STAG1: variants seen among roughly 807,000 people sequenced by gnomAD.
The protein encoded by STAG1 is STAG1 cohesin complex component.
STAG1 carries 26 observed loss-of-function variants against 170.9 expected under a neutral mutation model. That is an observed-to-expected ratio of 0.15 (90% CI 0.11 to 0.21). The LOEUF is 0.21. Among genes scored for constraint, STAG1 ranks in the 10% least tolerant of loss-of-function variants. STAG1 has a pLI of 1.00. For missense variants in STAG1, 964 were observed against 1,509.5 expected, an observed-to-expected ratio of 0.64 and a Z score of 5.99; for synonymous variants, 514 against 497.7, an observed-to-expected ratio of 1.03 and a Z score of -0.44.
At chr3:136,376,046 T>TAAAATAAAATAAAAC (rs1195641388) in intron 23 of STAG1, among the ~76,000 whole-genome samples, 3 of 148,500 alleles carry the variant, frequency 2.0e-5, no homozygotes, top group Non-Finnish European at 4.5e-5. Flanking sequence ...TAAAATAAAA[T>TAAAATAAAATAAAAC]AAAACAAAAT....
rs571055884 is a variant in STAG1 at position 136,558,501 on chromosome 3, T to A, written c.394+10264A>T. ...CAGTTCATGCAAGAGAAAATTCTCA[T>A]GGTTAACTGTTATGTGAAAAAGTAG... On this transcript the variant is annotated intron_variant, in intron 5 of 33. Transcript: ENST00000383202. Among the ~76,000 whole-genome samples the A allele has an allele frequency of 2.6e-5, 4 of 152,392 alleles. No homozygotes were observed. The East Asian group carries it at 7.7e-4, about 29-fold the overall frequency.
At chr3:136,487,966 G>C (rs1203082122) in intron 9 of STAG1, among the ~76,000 whole-genome samples, 8 of 152,230 alleles carry the variant, frequency 5.3e-5, no homozygotes, top group Non-Finnish European at 1.2e-4. Context: ...CATCAGCCAT[G>C]TAAGTAAGCC....
Position 136,338,103 on chromosome 3 carries a change from C to A in STAG1, c.*151G>T. 1 of 606,934 alleles carries A rather than the reference C, an allele frequency of 1.6e-6. No homozygotes were observed. The highest frequency in any genetic ancestry group is 3.0e-6 in the Non-Finnish European group (1 of 338,524). The allele number at this position is 606,934 out of a possible 1,614,324, so 37.6% of individuals were successfully genotyped here. A position where few individuals can be genotyped will look rare whatever the true frequency, so the allele number is the denominator to read the frequency against. On this transcript the variant is annotated 3_prime_UTR_variant, in exon 34 of 34. Coordinates refer to ENST00000383202, the MANE Select transcript of STAG1 (RefSeq NM_005862.3). ...CTTGGGTAATTTACATGCTCCTCTT[C>A]TGTCACTGCAAAAAGGGATTGACCT...
intron 1 of STAG1, among the ~76,000 whole-genome samples, chr3:136,636,043 T>G (rs1226057335): frequency 6.7e-6 from 1 of 149,046 alleles, no homozygotes; most frequent in Non-Finnish European, 1.5e-5. Context: ...AGGTCAGGAG[T>G]TCAAGACCAG....
intron 9 of STAG1, among the ~76,000 whole-genome samples, chr3:136,496,470 A>C (rs1348563389): frequency 6.6e-6 from 1 of 152,228 alleles, no homozygotes; most frequent in Non-Finnish European, 1.5e-5. Context: ...CTACATTGAA[A>C]TTAAATTAGA....
At chr3:136,405,253 T>G (rs1213620857) in intron 21 of STAG1, among the ~76,000 whole-genome samples, 2 of 128,804 alleles carry the variant, frequency 1.6e-5, no homozygotes, top group East Asian at 2.6e-4. Flanking sequence ...TTTTTTTTTT[T>G]TTTTTTCAGA....
intron 6 of STAG1, among the ~76,000 whole-genome samples, chr3:136,539,688 C>A (rs1414878949): frequency 6.6e-6 from 1 of 152,136 alleles, no homozygotes; most frequent in African/African-American, 2.4e-5. Flanking sequence ...CTGAACAGCC[C>A]ATAGATTGCT....
chr3:136,604,201 C>T, intron 4 of STAG1, 108 bp downstream of exon 4: 3 of 990,726 alleles, frequency 3.0e-6, no homozygotes, highest in Non-Finnish European at 4.3e-6. Context: ...TGAAAGGTTG[C>T]TTACATAATC....
intron 28 of STAG1, among the ~76,000 whole-genome samples, chr3:136,357,233 C>A (rs952162953): frequency 6.6e-6 from 1 of 152,120 alleles, no homozygotes; most frequent in African/African-American, 2.4e-5. Context: ...CAGGTGTGAG[C>A]CACCATGCCC....
At chr3:136,476,675 T>C (rs2089758551) in intron 10 of STAG1, among the ~76,000 whole-genome samples, 2 of 152,206 alleles carry the variant, frequency 1.3e-5, no homozygotes, top group South Asian at 4.1e-4. Flanking sequence ...CAGTTGCTTT[T>C]ATGATAAGTG....
intron 1 of STAG1, among the ~76,000 whole-genome samples, chr3:136,726,379 G>C (rs1933689859): frequency 6.6e-6 from 1 of 152,176 alleles, no homozygotes; most frequent in South Asian, 2.1e-4. Flanking sequence ...ATTGCCAAAT[G>C]TCCCCTGGGA....
intron 15 of STAG1, 152 bp from the exon 16 acceptor site, chr3:136,433,811 T>C: frequency 1.7e-6 from 1 of 584,004 alleles, no homozygotes; most frequent in Non-Finnish European, 2.9e-6. Context: ...TTTTTTTTTT[T>C]AAAGTAATTA....
rs779421064 is a variant in STAG1 at position 136,544,583 on chromosome 3, C to A, written c.395-2388G>T. On this transcript the variant is annotated intron_variant, in intron 5 of 33. Coordinates refer to ENST00000383202, the MANE Select transcript of STAG1 (RefSeq NM_005862.3). ...TTTGAGACCAGCCTGGGCAACACGGCGAGACATCATCTCTACTAAAAATAC... is the reference window on the plus strand; with the variant it reads ...TTTGAGACCAGCCTGGGCAACACGGAGAGACATCATCTCTACTAAAAATAC... Among the ~76,000 whole-genome samples the A allele has an allele frequency of 2.6e-5, 4 of 151,682 alleles. No individual in the cohort carries two copies. The South Asian group carries it at 8.3e-4, about 31-fold the overall frequency.
chr3:136,578,665 T>C (rs542131350), intron 4 of STAG1, among the ~76,000 whole-genome samples: 5 of 152,372 alleles, frequency 3.3e-5, no homozygotes, highest in African/African-American at 9.6e-5. Flanking sequence ...TAATAGACAC[T>C]GTCTCTGAAT....
chr3:136,690,243 T>C (rs1285960446), intron 1 of STAG1, among the ~76,000 whole-genome samples: 1 of 152,102 alleles, frequency 6.6e-6, no homozygotes, highest in Non-Finnish European at 1.5e-5. Context: ...TTTGGCTTTT[T>C]TTGTTTGTTT....
intron 21 of STAG1, among the ~76,000 whole-genome samples, chr3:136,401,307 T>C (rs1560088979): frequency 6.6e-6 from 1 of 152,232 alleles, no homozygotes; most frequent in African/African-American, 2.4e-5. Flanking sequence ...TGGAGTTCTC[T>C]TTTACGTTGT....
At position 136,453,842 on chromosome 3, in the gene STAG1, T is replaced by G. The variant is rs570716620; in HGVS notation, c.1314-1695A>C. On this transcript the variant is annotated intron_variant, in intron 13 of 33. Coordinates refer to ENST00000383202, the MANE Select transcript of STAG1 (RefSeq NM_005862.3). ...CCTCTCAAATGAGAGGCAAAATAAC[T>G]GAATAAAATGAGAATAATTTCATGT... Among the ~76,000 whole-genome samples the G allele has an allele frequency of 2.2e-4, 33 of 151,428 alleles. 1 individual carries two copies. In the South Asian group the frequency reaches 6.5e-3, roughly 30 times the overall value.
intron 1 of STAG1, among the ~76,000 whole-genome samples, chr3:136,685,523 G>C (rs1942489225): frequency 6.6e-6 from 1 of 152,164 alleles, no homozygotes; most frequent in South Asian, 2.1e-4. Flanking sequence ...CACGTTTATA[G>C]CAACTTTACA....
At chr3:136,514,378 G>C (rs1231486873) in intron 7 of STAG1, among the ~76,000 whole-genome samples, 2 of 152,186 alleles carry the variant, frequency 1.3e-5, no homozygotes, top group African/African-American at 4.8e-5. Flanking sequence ...TCTCACACCA[G>C]TTAGAATGGC....
Sources: allele counts gnomAD v4.1 joint callset (sites outside exome capture counted in the v4.1 genomes callset), GRCh38; gene constraint gnomAD v4.1.1; transcripts MANE v1.5; gene names NCBI Gene and HGNC (gene_info 2026-07-23, HGNC 2026-07-21).